The following B2M variants were observed in gnomAD, a reference collection of about 807,000 sequenced individuals.
The protein encoded by B2M is beta chain of MHC class I molecules.
Under a neutral mutation model 14.5 loss-of-function variants are expected in B2M, and 3 were observed. The observed-to-expected ratio is 0.21, with a 90% CI of 0.09 to 0.53. B2M has a LOEUF of 0.53. B2M is among the 20% of genes least tolerant of loss of function. B2M has a pLI of 0.95. For synonymous variants in B2M, 45 were observed against 52.7 expected (o/e 0.85, Z 0.64); for missense variants, 107 against 140.8 (o/e 0.76, Z 1.21).
intron 2 of B2M, chr15:44,715,946 G>C (rs2086936574): frequency 1.6e-6 from 1 of 629,912 alleles, no homozygotes; most frequent in African/African-American, 1.8e-5. Flanking sequence ...AGTTGAGCAG[G>C]GAGCAGCAGC....
intron 1 of B2M, chr15:44,713,773 T>A (rs2086912935): frequency 6.6e-6 from 1 of 152,200 alleles, no homozygotes; most frequent in Admixed American, 6.5e-5. Context: ...TAGCTTTTAA[T>A]GTTATGAAAA....
At chr15:44,714,706 T>C (rs1227894804) in intron 1 of B2M, 1 of 152,448 alleles carries the variant, frequency 6.6e-6, no homozygotes, top group Non-Finnish European at 1.5e-5. Context: ...CACACTGCAC[T>C]CCAGCCTGGG....
intron 3 of B2M, 48 bp downstream of exon 3, chr15:44,716,404 A>T: frequency 6.5e-7 from 1 of 1,531,676 alleles, no homozygotes; most frequent in Non-Finnish European, 9.0e-7. Context: ...TGTCCTGAGG[A>T]CTATTTATAG....
intron 2 of B2M, 41 bp downstream of exon 2, chr15:44,715,742 A>T (rs772435624): frequency 1.2e-6 from 2 of 1,610,352 alleles, no homozygotes; most frequent in South Asian, 1.1e-5. Flanking sequence ...AAAGTTGTGT[A>T]TGAGTAGTCA....
Position 44,717,929 on chromosome 15 carries a change from G to A in B2M, c.*337G>A, listed in dbSNP as rs1170322498. On this transcript the variant is annotated 3_prime_UTR_variant, in exon 4 of 4. Coordinates refer to ENST00000648006, the MANE Select transcript of B2M (RefSeq NM_004048.4). ...TCAAAGCTTGTTAAGATAGTTAAGC[G>A]TGCATAAGTTAACTTCCAATTTACA... 6 of 152,150 alleles carry A rather than the reference G, an allele frequency of 3.9e-5. No homozygotes were observed. Among genetic ancestry groups the A allele is most frequent in the South Asian group, 2.1e-4 (1 of 4,836 alleles). The allele number at this position is 152,150 out of a possible 1,614,324, so 9.4% of individuals were successfully genotyped here. A position where few individuals can be genotyped will look rare whatever the true frequency, so the allele number is the denominator to read the frequency against.
chr15:44,712,821 A>T (rs766456047), intron 1 of B2M: 1 of 152,070 alleles, frequency 6.6e-6, no homozygotes, highest in Non-Finnish European at 1.5e-5. Context: ...AACATGGTGA[A>T]GCCTGGTCTC....
intron 3 of B2M, chr15:44,717,359 G>A (rs2086954014): frequency 6.6e-6 from 1 of 152,124 alleles, no homozygotes; most frequent in South Asian, 2.1e-4. Context: ...TTAATCTTAT[G>A]AGACCACTGT....
chr15:44,713,958 T>G (rs2086915208), intron 1 of B2M: 1 of 152,202 alleles, frequency 6.6e-6, no homozygotes, highest in African/African-American at 2.4e-5. Flanking sequence ...TCATGTACCC[T>G]GAATATAAGT....
intron 2 of B2M, 70 bp downstream of exon 2, chr15:44,715,771 A>G (rs2086934532): frequency 6.3e-7 from 1 of 1,590,012 alleles, no homozygotes. Context: ...AGCTGCTTTG[A>G]TATAAAAAAG....
chr15:44,712,667 G>A (rs558650514), intron 1 of B2M: 1 of 152,310 alleles, frequency 6.6e-6, no homozygotes, highest in Non-Finnish European at 1.5e-5. Context: ...TTGCCTGGTT[G>A]TTTCCAAGAT....
rs1165361280 is a variant in B2M, at chr15:44,711,550, T to C, written c.4T>C (p.Ser2Pro). Residue 2 changes from serine (S) to proline (P), a missense_variant, in exon 1 of 4, where the codon TCT (serine) becomes CCT (proline). By Grantham distance (74) the Ser-to-Pro change is moderately conservative (BLOSUM62 -1). Transcript: ENST00000648006. ...AGCTGACAGCATTCGGGCCGAGATG[T>C]CTCGCTCCGTGGCCTTAGCTGTGCT... is the stretch of plus-strand genomic sequence containing the variant. Reference protein sequence around the residue: MSRSVALAVLAL... With the variant: MPRSVALAVLAL... 1.2e-6 allele frequency: 2 copies of C among 1,613,672 alleles called. No homozygotes were observed. The highest frequency in any genetic ancestry group is 1.6e-4 in the Middle Eastern group (1 of 6,084).
At chr15:44,713,092 C>A (rs565018437) in intron 1 of B2M, 1 of 151,786 alleles carries the variant, frequency 6.6e-6, no homozygotes, top group South Asian at 2.1e-4. Context: ...AAAGATAATC[C>A]AAGATGGTTA....
At chr15:44,713,660 C>T (rs2086911774) in intron 1 of B2M, 1 of 152,236 alleles carries the variant, frequency 6.6e-6, no homozygotes, top group African/African-American at 2.4e-5. Context: ...ATCTTGCCGC[C>T]TTCCCTCAAA....
Position 44,717,998 on chromosome 15 carries a change from C to T in B2M, c.*406C>T, listed in dbSNP as rs1368698866. On this transcript the variant is annotated 3_prime_UTR_variant, in exon 4 of 4. Transcript: ENST00000648006. ...GGGGAAAATTTAGAAATATAATTGACAGGATTATTGGAAATTTGTTATAAT... is the reference window on the plus strand; with the variant it reads ...GGGGAAAATTTAGAAATATAATTGATAGGATTATTGGAAATTTGTTATAAT... 6.6e-6 allele frequency: 1 copy of T among 152,124 alleles called. No individual in the cohort carries two copies. The highest frequency in any genetic ancestry group is 1.5e-5 in the Non-Finnish European group (1 of 68,040). 9.4% of individuals were successfully genotyped at this position (152,124 alleles called of 1,614,324 possible).
chr15:44,716,356 G>A lies in B2M; in HGVS notation c.*14G>A. On this transcript the variant is annotated splice_region_variant and 3_prime_UTR_variant, in exon 3 of 4. Coordinates refer to ENST00000648006, the MANE Select transcript of B2M (RefSeq NM_004048.4). ...CGAGACATGTAAGCAGCATCATGGA[G>A]GTAAGTTTTTGACCTTGAGAAAATG... The A allele has an allele frequency of 6.2e-7, 1 of 1,611,506 alleles. No homozygotes were observed. Among genetic ancestry groups the A allele is most frequent in the East Asian group, 2.2e-5 (1 of 44,874 alleles).
In B2M at chr15:44,716,100, G is replaced by A. The variant is rs946548296; in HGVS notation, c.347-229G>A. 5.2e-5 allele frequency: 32 copies of A among 617,028 alleles called. 1 individual carries two copies. Among genetic ancestry groups the A allele is most frequent in the Non-Finnish European group, 1.4e-5 (5 of 351,446 alleles). The allele number at this position is 617,028 out of a possible 1,614,324, so 38.2% of individuals were successfully genotyped here. A position where few individuals can be genotyped will look rare whatever the true frequency, so the allele number is the denominator to read the frequency against. On this transcript the variant is annotated intron_variant, in intron 2 of 3. Coordinates refer to ENST00000648006, the MANE Select transcript of B2M (RefSeq NM_004048.4). ...TTTGTTTGTAAGTCCTGCTGTCCTA[G>A]CATCCTATAATCCTGGACTTCTCCA... is the stretch of plus-strand genomic sequence containing the variant.
At chr15:44,716,822 G>A (rs1239673936) in intron 3 of B2M, 2 of 163,604 alleles carry the variant, frequency 1.2e-5, no homozygotes, top group Non-Finnish European at 2.7e-5. Flanking sequence ...AGGTTCCCAG[G>A]CCACTAGAGG....
intron 3 of B2M, chr15:44,716,917 G>A (rs1374835863): frequency 6.5e-6 from 1 of 153,212 alleles, no homozygotes; most frequent in Non-Finnish European, 1.5e-5. Flanking sequence ...GCAAGAGAGA[G>A]GGAGGAACTT....
intron 1 of B2M, chr15:44,713,792 T>G (rs1466871585): frequency 6.6e-6 from 1 of 152,128 alleles, no homozygotes; most frequent in Non-Finnish European, 1.5e-5. Flanking sequence ...AAAAATCAGG[T>G]CTTCATTAGA....
Sources: allele counts gnomAD v4.1 joint callset, GRCh38; gene constraint gnomAD v4.1.1; transcripts MANE v1.5; gene names NCBI Gene and HGNC (gene_info 2026-07-23, HGNC 2026-07-21).